Variants in SPTLC1 observed in about 807,000 individuals in gnomAD.
SPTLC1 encodes the protein serine palmitoyltransferase long chain base subunit 1.
SPTLC1 carries 55 observed loss-of-function variants against 68.9 expected under a neutral mutation model. The observed-to-expected ratio is 0.80, with a 90% CI of 0.64 to 1.00. The LOEUF (loss-of-function observed/expected upper bound fraction) is 1.00, where lower values mean the gene tolerates loss of function less well. SPTLC1 is among the 50% of genes least tolerant of loss of function. SPTLC1 has a pLI of 0.00. For missense variants in SPTLC1, 449 were observed against 573.1 expected (o/e 0.78, Z 2.21); for synonymous variants, 197 against 201.6 (o/e 0.98, Z 0.19).
At chr9:92,104,934 C>T (rs1835901399) in intron 3 of SPTLC1, 5 of 1,534,470 alleles carry the variant, frequency 3.3e-6, no homozygotes, top group Non-Finnish European at 4.4e-6. Context: ...TCACACAGCC[C>T]TGTTGGAGGC....
Position 92,032,569 on chromosome 9 carries a change from T to C in SPTLC1, c.1329-11A>G. On this transcript the variant is annotated splice_polypyrimidine_tract_variant and intron_variant, in intron 14 of 14. Transcript: ENST00000262554. ...ACCACAACCCGAATGCTGAGAACAG[T>C]AAAGGACACAAAGAATTATCTTTGT... The C allele has an allele frequency of 3.7e-6, 6 of 1,613,074 alleles. No homozygotes were observed. Among genetic ancestry groups the C allele is most frequent in the Non-Finnish European group, 4.2e-6 (5 of 1,179,960 alleles).
chr9:92,048,016 T>C (rs989369446), intron 9 of SPTLC1, among the ~76,000 whole-genome samples: 1 of 152,310 alleles, frequency 6.6e-6, no homozygotes, highest in East Asian at 1.9e-4. Flanking sequence ...ATATTAAAAG[T>C]AGTCACAGGT....
At chr9:92,067,304 C>CAA (rs770486590) in intron 6 of SPTLC1, among the ~76,000 whole-genome samples, 96 of 98,866 alleles carry the variant, frequency 9.7e-4, no homozygotes, top group African/African-American at 4.0e-3. Context: ...ATCTCACACA[C>CAA]AAAAAAAAAA....
chr9:92,032,338 C>G lies in SPTLC1; in HGVS notation c.*127G>C, dbSNP rs1222070707. On this transcript the variant is annotated 3_prime_UTR_variant, in exon 15 of 15. Coordinates refer to ENST00000262554, the MANE Select transcript of SPTLC1 (RefSeq NM_006415.4). ...TCACACAATTGGTCCATACTGACACCATTTGGTAACAATCCTATCAAAGAT... is the reference window on the plus strand; with the variant it reads ...TCACACAATTGGTCCATACTGACACGATTTGGTAACAATCCTATCAAAGAT... The G allele has an allele frequency of 1.3e-6, 2 of 1,560,322 alleles. No individual in the cohort carries two copies. The highest frequency in any genetic ancestry group is 1.7e-6 in the Non-Finnish European group (2 of 1,156,358).
intron 3 of SPTLC1, among the ~76,000 whole-genome samples, chr9:92,089,577 GC>G (rs1474489034): frequency 2.0e-5 from 3 of 152,090 alleles, no homozygotes; most frequent in Non-Finnish European, 4.4e-5. Flanking sequence ...ACCAAGAGAT[GC>G]AAAAATATGA....
intron 3 of SPTLC1, among the ~76,000 whole-genome samples, chr9:92,094,527 T>C (rs1356973664): frequency 1.3e-5 from 2 of 152,230 alleles, no homozygotes; most frequent in Admixed American, 6.5e-5. Flanking sequence ...TTTCATACCA[T>C]GTTCTCCTTG....
chr9:92,051,777 C>G (rs553447467), intron 8 of SPTLC1, among the ~76,000 whole-genome samples: 24 of 152,150 alleles, frequency 1.6e-4, no homozygotes, highest in African/African-American at 5.8e-4. Flanking sequence ...TATGCAAAAG[C>G]AATACACAAA....
At chr9:92,087,411 A>G (rs1835187388) in intron 3 of SPTLC1, among the ~76,000 whole-genome samples, 1 of 152,100 alleles carries the variant, frequency 6.6e-6, no homozygotes, top group Non-Finnish European at 1.5e-5. Context: ...TGATGTACAG[A>G]TGGGTTTTTG....
chr9:92,071,670 G>A (rs2118625025), intron 5 of SPTLC1, among the ~76,000 whole-genome samples: 1 of 152,218 alleles, frequency 6.6e-6, no homozygotes, highest in South Asian at 2.1e-4. Flanking sequence ...AAATTGTAAG[G>A]TCCCCTGACC....
At chr9:92,061,032 T>A (rs565471223) in intron 6 of SPTLC1, among the ~76,000 whole-genome samples, 43 of 152,110 alleles carry the variant, frequency 2.8e-4, no homozygotes, top group Non-Finnish European at 5.1e-4. Context: ...AGACGTAACA[T>A]TTGTGTCATT....
chr9:92,079,451 C>G, intron 5 of SPTLC1: 1 of 1,605,340 alleles, frequency 6.2e-7, no homozygotes, highest in Non-Finnish European at 8.5e-7. Context: ...TGCCGGTCTT[C>G]TTTGATGACT....
chr9:92,063,315 C>G (rs576845140), intron 6 of SPTLC1, among the ~76,000 whole-genome samples: 2 of 152,140 alleles, frequency 1.3e-5, no homozygotes, highest in South Asian at 4.2e-4. Context: ...TCAATTCACT[C>G]AATATGACAG....
chr9:92,042,252 C>T (rs1833377200), intron 12 of SPTLC1, among the ~76,000 whole-genome samples: 1 of 152,168 alleles, frequency 6.6e-6, no homozygotes, highest in African/African-American at 2.4e-5. Flanking sequence ...CTGTTCAATA[C>T]AAATTAGGGA....
intron 14 of SPTLC1, among the ~76,000 whole-genome samples, chr9:92,033,144 A>G (rs1833029347): frequency 6.6e-6 from 1 of 152,158 alleles, no homozygotes. Flanking sequence ...ACCAGTGCAC[A>G]CCCAGTCAGA....
At chr9:92,087,270 G>T (rs1835180724) in intron 3 of SPTLC1, among the ~76,000 whole-genome samples, 1 of 152,188 alleles carries the variant, frequency 6.6e-6, no homozygotes, top group Admixed American at 6.5e-5. Context: ...ATCCAGCTTT[G>T]TTCCATTGCT....
chr9:92,075,106 A>G (rs1041854496), intron 5 of SPTLC1, among the ~76,000 whole-genome samples: 2 of 151,706 alleles, frequency 1.3e-5, no homozygotes, highest in African/African-American at 4.9e-5. Flanking sequence ...CCTCTTACCA[A>G]TCCTCCCAGC....
intron 6 of SPTLC1, among the ~76,000 whole-genome samples, chr9:92,066,177 CAAAAG>C (rs1203818521): frequency 6.6e-6 from 1 of 152,052 alleles, no homozygotes; most frequent in Non-Finnish European, 1.5e-5. Flanking sequence ...ACAAGCTCTA[CAAAAG>C]AAAAGTACAG....
chr9:92,039,591 T>G (rs1212182937), intron 12 of SPTLC1, among the ~76,000 whole-genome samples: 1 of 152,180 alleles, frequency 6.6e-6, no homozygotes. Context: ...AAATGTGATA[T>G]ATGTCTATTT....
intron 5 of SPTLC1, among the ~76,000 whole-genome samples, chr9:92,072,768 C>A (rs1218040745): frequency 6.6e-6 from 1 of 152,110 alleles, no homozygotes; most frequent in Non-Finnish European, 1.5e-5. Flanking sequence ...TAGACAACTT[C>A]GGTTGCAAAA....
Sources: gnomAD v4.1 joint callset for allele counts (sites outside exome capture counted in the v4.1 genomes callset) on GRCh38, gnomAD v4.1.1 for gene constraint, MANE v1.5 for transcripts, NCBI Gene and HGNC (gene_info 2026-07-23, HGNC 2026-07-21) for gene names.